NUDCD1: variants seen among roughly 807,000 people sequenced by gnomAD.
NUDCD1 encodes NudC domain containing 1.
Under a neutral mutation model 67.8 loss-of-function variants are expected in NUDCD1, and 60 were observed. That is an observed-to-expected ratio of 0.88 (90% CI 0.72 to 1.10). The LOEUF is 1.10. NUDCD1 is among the 50% of genes least tolerant of loss of function. NUDCD1 has a pLI of 0.00. For synonymous variants in NUDCD1, 244 were observed against 230.8 expected, an observed-to-expected ratio of 1.06 and a Z score of -0.52; for missense variants, 643 against 695.0, an observed-to-expected ratio of 0.93 and a Z score of 0.84.
chr8:109,310,039 T>C (rs1420860522), intron 2 of NUDCD1, among the ~76,000 whole-genome samples: 2 of 151,942 alleles, frequency 1.3e-5, no homozygotes, highest in Non-Finnish European at 2.9e-5. Context: ...ATTGTGAAAA[T>C]GACCATACTG....
At chr8:109,250,381 G>A (rs564253428) in intron 8 of NUDCD1, among the ~76,000 whole-genome samples, 1 of 152,252 alleles carries the variant, frequency 6.6e-6, no homozygotes, top group East Asian at 1.9e-4. Context: ...TAAAGAAACT[G>A]AACATGAGCA....
intron 3 of NUDCD1, among the ~76,000 whole-genome samples, chr8:109,294,217 A>G (rs1285612008): frequency 6.6e-6 from 1 of 152,086 alleles, no homozygotes; most frequent in South Asian, 2.1e-4. Context: ...ACTGAAAAAA[A>G]GGTAGCTTTA....
intron 6 of NUDCD1, among the ~76,000 whole-genome samples, chr8:109,275,770 A>C (rs1428684945): frequency 6.6e-6 from 1 of 152,200 alleles, no homozygotes; most frequent in African/African-American, 2.4e-5. Context: ...GAGTCAAGTC[A>C]TCCAGAAAGT....
intron 2 of NUDCD1, among the ~76,000 whole-genome samples, chr8:109,302,432 C>G (rs1050013095): frequency 6.6e-6 from 1 of 152,094 alleles, no homozygotes; most frequent in Non-Finnish European, 1.5e-5. Flanking sequence ...GCTCTGAGTC[C>G]TGGGAATCCT....
At chr8:109,314,472 C>T (rs897679454) in intron 2 of NUDCD1, among the ~76,000 whole-genome samples, 4 of 152,138 alleles carry the variant, frequency 2.6e-5, no homozygotes, top group South Asian at 2.1e-4. Context: ...AGCTCCACTG[C>T]TAGAAAATGA....
chr8:109,265,201 G>A (rs983900121), intron 8 of NUDCD1, among the ~76,000 whole-genome samples: 1 of 151,590 alleles, frequency 6.6e-6, no homozygotes, highest in Non-Finnish European at 1.5e-5. Context: ...ATTTTGTTTC[G>A]TAAAAATGCC....
intron 8 of NUDCD1, among the ~76,000 whole-genome samples, chr8:109,255,367 T>C (rs1424896571): frequency 1.3e-5 from 2 of 152,226 alleles, no homozygotes; most frequent in Non-Finnish European, 2.9e-5. Flanking sequence ...TTAAATTACC[T>C]ATATACTTAA....
intron 8 of NUDCD1, among the ~76,000 whole-genome samples, chr8:109,254,172 G>T (rs1000857642): frequency 8.5e-5 from 13 of 152,158 alleles, no homozygotes; most frequent in Admixed American, 5.9e-4. Context: ...CTTATGAGCA[G>T]TGGAAACAAA....
chr8:109,333,856 A>C, intron 1 of NUDCD1, 37 bp downstream of exon 1: 3 of 1,610,044 alleles, frequency 1.9e-6, no homozygotes, highest in Non-Finnish European at 2.5e-6. Context: ...CCGAAAGGGG[A>C]AAGGAACGGA....
chr8:109,325,023 G>A (rs1437256867), intron 1 of NUDCD1, among the ~76,000 whole-genome samples: 1 of 152,204 alleles, frequency 6.6e-6, no homozygotes, highest in Non-Finnish European at 1.5e-5. Flanking sequence ...CCAGGAGGCA[G>A]AGGTTGCAGT....
chr8:109,331,515 CA>C (rs59203626), intron 1 of NUDCD1, among the ~76,000 whole-genome samples: 15,889 of 65,774 alleles, frequency 0.24, 791 homozygotes, highest in African/African-American at 0.37. Context: ...GACTCAGACT[CA>C]AAAAAAAAAA....
At chr8:109,256,086 C>T (rs2926207) in intron 8 of NUDCD1, among the ~76,000 whole-genome samples, 7,374 of 152,224 alleles carry the variant, frequency 0.048, 646 homozygotes, top group East Asian at 0.43. Context: ...TGGGATGCAC[C>T]TGTGGTCCCA....
rs868077964 is a variant in NUDCD1, at chr8:109,241,837, C to T, written c.*1172G>A. On this transcript the variant is annotated 3_prime_UTR_variant, in exon 10 of 10. Coordinates refer to ENST00000239690, the MANE Select transcript of NUDCD1 (RefSeq NM_032869.4). ...TCTGCCTCTTAAATGAAGGTCTTAA[C>T]TTCCTTATTAAAATATAAAATCCAA... 2.7e-6 allele frequency: 1 copy of T among 364,746 alleles called. No homozygotes were observed. Among genetic ancestry groups the T allele is most frequent in the African/African-American group, 2.1e-5 (1 of 47,906 alleles). 22.6% of individuals were successfully genotyped at this position (364,746 alleles called of 1,614,324 possible).
At chr8:109,293,235 T>C (rs569600578) in intron 4 of NUDCD1, 109 bp downstream of exon 4, 9 of 557,082 alleles carry the variant, frequency 1.6e-5, no homozygotes, top group Non-Finnish European at 2.8e-5. Context: ...GCCAGAATTG[T>C]AACACAATGC....
intron 5 of NUDCD1, among the ~76,000 whole-genome samples, chr8:109,281,805 T>G (rs1646591903): frequency 6.6e-6 from 1 of 152,178 alleles, no homozygotes; most frequent in African/African-American, 2.4e-5. Context: ...TTCATAGATC[T>G]GGTGTTGGGG....
chr8:109,301,760 CAA>C (rs1268261863), intron 2 of NUDCD1, among the ~76,000 whole-genome samples: 22 of 152,242 alleles, frequency 1.4e-4, no homozygotes, highest in Non-Finnish European at 4.4e-5. Flanking sequence ...CTAATAGAGA[CAA>C]AAGAGACACA....
At chr8:109,280,111 A>G (rs902676204) in intron 6 of NUDCD1, among the ~76,000 whole-genome samples, 3 of 152,244 alleles carry the variant, frequency 2.0e-5, no homozygotes, top group Non-Finnish European at 2.9e-5. Flanking sequence ...GTATATAAAC[A>G]GAAGTTATTG....
chr8:109,291,330 A>G (rs562622698), intron 4 of NUDCD1, among the ~76,000 whole-genome samples: 1 of 152,160 alleles, frequency 6.6e-6, no homozygotes, highest in African/African-American at 2.4e-5. Context: ...ATTTTTGTAG[A>G]GACGGTGGCT....
Position 109,241,621 on chromosome 8 carries a change from A to G in NUDCD1, c.*1388T>C, listed in dbSNP as rs138607977. On this transcript the variant is annotated 3_prime_UTR_variant, in exon 10 of 10. Coordinates refer to ENST00000239690, the MANE Select transcript of NUDCD1 (RefSeq NM_032869.4). ...CAGGACCTTTCCTAACTTTCTACCT[A>G]GCACCTCAATACTCTCTAGGAAACT... The G allele has an allele frequency of 6.6e-6, 1 of 152,520 alleles. No homozygotes were observed. The highest frequency in any genetic ancestry group is 2.4e-5 in the African/African-American group (1 of 41,574). 9.4% of individuals were successfully genotyped at this position (152,520 alleles called of 1,614,324 possible). A position where few individuals can be genotyped will look rare whatever the true frequency, so the allele number is the denominator to read the frequency against.
Sources: allele counts gnomAD v4.1 joint callset (sites outside exome capture counted in the v4.1 genomes callset), GRCh38; gene constraint gnomAD v4.1.1; transcripts MANE v1.5; gene names NCBI Gene and HGNC (gene_info 2026-07-23, HGNC 2026-07-21).